The following CDC73 variants were observed in gnomAD, a reference collection of about 807,000 sequenced individuals.
The protein encoded by CDC73 is parafibromin.
CDC73 carries 21 observed loss-of-function variants against 83.7 expected under a neutral mutation model. The observed-to-expected ratio is 0.25, with a 90% confidence interval of 0.18 to 0.36. The LOEUF is 0.36. Among genes scored for constraint, CDC73 ranks in the 10% least tolerant of loss-of-function variants. The pLI, the probability that CDC73 is intolerant of heterozygous loss-of-function variation, is 1.00. For synonymous variants in CDC73, 224 were observed against 212.9 expected (o/e 1.05, Z -0.45); for missense variants, 342 against 653.3 (o/e 0.52, Z 5.19).
intron 14 of CDC73, among the ~76,000 whole-genome samples, chr1:193,235,530 T>C (rs919943605): frequency 6.6e-6 from 1 of 152,224 alleles, no homozygotes; most frequent in Non-Finnish European, 1.5e-5. Flanking sequence ...TTTAACTGTT[T>C]ATGGCAGTAC....
At chr1:193,190,342 C>G (rs746339021) in intron 10 of CDC73, among the ~76,000 whole-genome samples, 1 of 152,168 alleles carries the variant, frequency 6.6e-6, no homozygotes, top group Non-Finnish European at 1.5e-5. Context: ...TTTTTCATTA[C>G]ATAAGGGATT....
At chr1:193,235,154 T>A (rs1322331396) in intron 14 of CDC73, among the ~76,000 whole-genome samples, 1 of 152,190 alleles carries the variant, frequency 6.6e-6, no homozygotes, top group Non-Finnish European at 1.5e-5. Context: ...TTCATAATAA[T>A]ACTGAGATGG....
intron 3 of CDC73, among the ~76,000 whole-genome samples, chr1:193,133,565 G>T (rs1455215272): frequency 1.3e-5 from 2 of 152,120 alleles, no homozygotes; most frequent in South Asian, 4.1e-4. Context: ...TTATCTGTTA[G>T]GTTAGAAATC....
chr1:193,192,537 C>CAT (rs1170631684), intron 10 of CDC73, among the ~76,000 whole-genome samples: 1 of 152,132 alleles, frequency 6.6e-6, no homozygotes, highest in Non-Finnish European at 1.5e-5. Flanking sequence ...GAACATTGAA[C>CAT]ATGCTTGATT....
rs958735335 is a variant in CDC73 at position 193,251,426 on chromosome 1, C to T, written c.*714C>T. ...AATCTCAAAACACAGATTAAAACCA[C>T]AATAGGCTGTAGTATTTTTTATTTT... is the stretch of plus-strand genomic sequence containing the variant. On this transcript the variant is annotated 3_prime_UTR_variant, in exon 17 of 17. Coordinates refer to ENST00000367435, the MANE Select transcript of CDC73 (RefSeq NM_024529.5). 6 of 231,862 alleles carry T rather than the reference C, an allele frequency of 2.6e-5. No homozygotes were observed. Among genetic ancestry groups the T allele is most frequent in the African/African-American group, 1.1e-4 (5 of 45,258 alleles). The allele number at this position is 231,862 out of a possible 1,614,324, so 14.4% of individuals were successfully genotyped here. A position where few individuals can be genotyped will look rare whatever the true frequency, so the allele number is the denominator to read the frequency against.
At chr1:193,244,213 C>T (rs1402100703) in intron 15 of CDC73, among the ~76,000 whole-genome samples, 1 of 152,170 alleles carries the variant, frequency 6.6e-6, no homozygotes, top group East Asian at 1.9e-4. Context: ...TATTTTATAA[C>T]CTACCTGTTT....
At chr1:193,131,969 A>G (rs1282393265) in intron 3 of CDC73, among the ~76,000 whole-genome samples, 1 of 152,228 alleles carries the variant, frequency 6.6e-6, no homozygotes, top group East Asian at 1.9e-4. Context: ...TTCCCATTAG[A>G]AGGTAAATCC....
At chr1:193,224,111 A>G (rs1042692882) in intron 13 of CDC73, among the ~76,000 whole-genome samples, 1 of 151,838 alleles carries the variant, frequency 6.6e-6, no homozygotes, top group African/African-American at 2.4e-5. Flanking sequence ...TTGTACCTGT[A>G]TTTCTGTACC....
chr1:193,180,137 T>G (rs1272071513), intron 10 of CDC73: 1 of 650,808 alleles, frequency 1.5e-6, no homozygotes, highest in East Asian at 3.1e-5. Flanking sequence ...TGTTATAGTT[T>G]TAAGAATTAA....
At chr1:193,218,171 TGCACACAC>T (rs1558314684) in intron 13 of CDC73, among the ~76,000 whole-genome samples, 1 of 152,034 alleles carries the variant, frequency 6.6e-6, no homozygotes, top group Non-Finnish European at 1.5e-5. Context: ...CACTCACACA[TGCACACAC>T]AAAACACCTG....
In CDC73 at chr1:193,130,249, T is replaced by A. The variant is rs2103117999; in HGVS notation, c.307+6T>A. The A allele has an allele frequency of 6.6e-7, 1 of 1,519,546 alleles. No homozygotes were observed. Among genetic ancestry groups the A allele is most frequent in the Non-Finnish European group, 9.1e-7 (1 of 1,094,570 alleles). The allele number at this position is 1,519,546 out of a possible 1,614,324, so 94.1% of individuals were successfully genotyped here. ...ATATCTCAATGGTGAAGCGTGTGAG[T>A]ACTTTTTAAATTGTTCCCAGTCTTA... is the stretch of plus-strand genomic sequence containing the variant. On this transcript the variant is annotated splice_donor_region_variant and intron_variant, in intron 3 of 16. Coordinates refer to ENST00000367435, the MANE Select transcript of CDC73 (RefSeq NM_024529.5).
intron 10 of CDC73, among the ~76,000 whole-genome samples, chr1:193,153,016 C>A (rs1327342867): frequency 1.3e-5 from 2 of 152,112 alleles, no homozygotes; most frequent in African/African-American, 2.4e-5. Flanking sequence ...TGATCGCCCG[C>A]CTCAGCCTCC....
chr1:193,155,295 C>T (rs934975266), intron 10 of CDC73, among the ~76,000 whole-genome samples: 1 of 152,046 alleles, frequency 6.6e-6, no homozygotes, highest in African/African-American at 2.4e-5. Context: ...CAACAGAAAC[C>T]CAGGTATCTT....
intron 13 of CDC73, among the ~76,000 whole-genome samples, chr1:193,225,081 T>C (rs1428840173): frequency 6.6e-6 from 1 of 151,896 alleles, no homozygotes; most frequent in East Asian, 1.9e-4. Flanking sequence ...GTCATTCTCA[T>C]GCCTTTGCAT....
chr1:193,209,220 T>C (rs1677237547), intron 11 of CDC73, among the ~76,000 whole-genome samples: 1 of 152,246 alleles, frequency 6.6e-6, no homozygotes, highest in African/African-American at 2.4e-5. Flanking sequence ...ATTTTTCTTA[T>C]GGTTTATTCT....
In CDC73 at chr1:193,125,285, G is replaced by A. The variant is rs552166801; in HGVS notation, c.237+68G>A. On this transcript the variant is annotated intron_variant, in intron 2 of 16. Transcript: ENST00000367435. Reference sequence around the variant, plus strand: ...TATTTTTATTTATTTAAGAGACAGGGTCTGGCCTTGTTGCCCGGGCTAGGG... The same window carrying A: ...TATTTTTATTTATTTAAGAGACAGGATCTGGCCTTGTTGCCCGGGCTAGGG... 3.0e-6 allele frequency: 3 copies of A among 1,011,712 alleles called. No individual in the cohort carries two copies. In the South Asian group the frequency reaches 3.9e-5, roughly 13 times the overall value. 62.7% of individuals were successfully genotyped at this position (1,011,712 alleles called of 1,614,324 possible). A position where few individuals can be genotyped will look rare whatever the true frequency, so the allele number is the denominator to read the frequency against.
At chr1:193,132,170 G>A (rs1407397989) in intron 3 of CDC73, among the ~76,000 whole-genome samples, 1 of 152,216 alleles carries the variant, frequency 6.6e-6, no homozygotes, top group Non-Finnish European at 1.5e-5. Context: ...GTCATTAACA[G>A]CTGTCTTGTC....
intron 10 of CDC73, among the ~76,000 whole-genome samples, chr1:193,159,451 ACAT>A (rs552740028): frequency 6.6e-6 from 1 of 152,122 alleles, no homozygotes; most frequent in Non-Finnish European, 1.5e-5. Flanking sequence ...GCTCAGTGCA[ACAT>A]CCGTCTCCTG....
intron 10 of CDC73, among the ~76,000 whole-genome samples, chr1:193,161,670 TCATATAATA>T (rs1423369766): frequency 2.2e-5 from 1 of 44,988 alleles, no homozygotes; most frequent in Non-Finnish European, 4.4e-5. Context: ...TATATATCTA[TCATATAATA>T]TATATAATAT....
Sources: gnomAD v4.1 joint callset for allele counts (sites outside exome capture counted in the v4.1 genomes callset) on GRCh38, gnomAD v4.1.1 for gene constraint, MANE v1.5 for transcripts, NCBI Gene and HGNC (gene_info 2026-07-23, HGNC 2026-07-21) for gene names.